GALK2: variants seen among roughly 807,000 people sequenced by gnomAD.
GALK2 encodes the protein N-acetylgalactosamine kinase.
Under a neutral mutation model 52.4 loss-of-function variants are expected in GALK2, and 36 were observed. The observed-to-expected ratio is 0.69, with a 90% CI of 0.53 to 0.91. GALK2 has a LOEUF of 0.91. Among genes scored for constraint, GALK2 ranks in the 40% least tolerant of loss-of-function variants. The probability of loss-of-function intolerance (pLI) is 0.00; values close to 1 mark genes in which losing one functional copy is unlikely to be tolerated. For synonymous variants in GALK2, 176 were observed against 199.1 expected (o/e 0.88, Z 0.98); for missense variants, 579 against 559.1 (o/e 1.04, Z -0.36).
intron 1 of GALK2, among the ~76,000 whole-genome samples, chr15:49,162,145 C>T (rs2084673696): frequency 6.6e-6 from 1 of 152,166 alleles, no homozygotes; most frequent in South Asian, 2.1e-4. Flanking sequence ...TTCTCTCCTC[C>T]CCCCTTAACT....
At chr15:49,336,203 G>A (rs1263905152), downstream of GALK2, among the ~76,000 whole-genome samples, 1 of 152,226 alleles carries the variant, frequency 6.6e-6, no homozygotes, top group African/African-American at 2.4e-5. Context: ...AGTTAGCCTG[G>A]CTTCTGCCAT....
intron 5 of GALK2, among the ~76,000 whole-genome samples, chr15:49,277,270 G>GC (rs1241564475): frequency 4.8e-5 from 6 of 124,498 alleles, no homozygotes. Context: ...CCGGGTTCAC[G>GC]CCATTCTCCT....
chr15:49,235,764 G>C, intron 3 of GALK2, 87 bp from the exon 4 acceptor site: 2 of 860,622 alleles, frequency 2.3e-6, no homozygotes, highest in East Asian at 4.8e-5. Context: ...GTATCGCTGT[G>C]TTGGCACAAG....
downstream of GALK2, among the ~76,000 whole-genome samples, chr15:49,333,741 T>G (rs1485948765): frequency 6.6e-6 from 1 of 152,234 alleles, no homozygotes; most frequent in Non-Finnish European, 1.5e-5. Context: ...TGAACTTGTC[T>G]GATACTTCTT....
intron 7 of GALK2, among the ~76,000 whole-genome samples, chr15:49,286,309 T>C (rs2033347230): frequency 6.6e-6 from 1 of 152,230 alleles, no homozygotes; most frequent in African/African-American, 2.4e-5. Flanking sequence ...AATAGATGAA[T>C]GACAACTCCC....
At chr15:49,298,415 C>T (rs1052172817) in intron 8 of GALK2, among the ~76,000 whole-genome samples, 5 of 152,084 alleles carry the variant, frequency 3.3e-5, no homozygotes, top group Admixed American at 2.6e-4. Flanking sequence ...TTATTTCTTT[C>T]TCTTGCCTGA....
At chr15:49,208,591 A>G (rs923229582) in intron 2 of GALK2, among the ~76,000 whole-genome samples, 5 of 152,240 alleles carry the variant, frequency 3.3e-5, no homozygotes, top group Admixed American at 6.5e-5. Context: ...TATCTTGGAG[A>G]AAGTTCCATG....
chr15:49,217,269 GAAAAC>G lies in GALK2; in HGVS notation c.223_227del (p.Lys75ValfsTer18). 1 of 1,613,880 alleles carries G rather than the reference GAAAAC, an allele frequency of 6.2e-7. No homozygotes were observed. ...ATGTGCTAATAGCTGTAGAACCTGT[GAAAAC>G]GTACGCTCTCCAACTGGCCAATACA... On this transcript the variant is annotated frameshift_variant, in exon 3 of 10. Transcript: ENST00000560031. LOFTEE classifies it high-confidence loss of function.
intron 5 of GALK2, among the ~76,000 whole-genome samples, chr15:49,252,252 T>C (rs527976296): frequency 2.0e-5 from 3 of 151,872 alleles, no homozygotes; most frequent in Non-Finnish European, 2.9e-5. Flanking sequence ...GGTGACAGAG[T>C]AAGACTTCGT....
intron 2 of GALK2, among the ~76,000 whole-genome samples, chr15:49,213,952 C>A (rs187220868): frequency 1.1e-4 from 17 of 151,998 alleles, no homozygotes; most frequent in East Asian, 7.8e-4. Context: ...CCCATCTCTA[C>A]TAAAAAATAA....
chr15:49,181,021 ATCCTTCCTTCCTTCCT>A (rs138715818), intron 1 of GALK2, among the ~76,000 whole-genome samples: 6 of 124,842 alleles, frequency 4.8e-5, no homozygotes, highest in African/African-American at 1.2e-4. Context: ...TGCTAGACCA[ATCCTTCCTTCCTTCCT>A]TCCTTCCTTC....
intron 5 of GALK2, among the ~76,000 whole-genome samples, chr15:49,259,979 A>T (rs1168203238): frequency 6.6e-6 from 1 of 151,122 alleles, no homozygotes; most frequent in African/African-American, 2.4e-5. Context: ...CCAGTCTATC[A>T]TTGTTGGACA....
rs571522087 is a variant in GALK2 at position 49,320,138 on chromosome 15, A to G, written c.1169+333A>G. Among the ~76,000 whole-genome samples, 3 of 152,228 alleles carry G rather than the reference A, an allele frequency of 2.0e-5. No homozygotes were observed. The South Asian group carries it at 6.2e-4, about 32-fold the overall frequency. ...AGAGCTGGGCCCTGTTAACTTTCTT[A>G]TGATATGTTTTATTATACTGCTGCT... On this transcript the variant is annotated intron_variant, in intron 9 of 9. Coordinates refer to ENST00000560031, the MANE Select transcript of GALK2 (RefSeq NM_002044.4).
chr15:49,310,535 C>T (rs2035906673), intron 8 of GALK2, among the ~76,000 whole-genome samples: 1 of 152,128 alleles, frequency 6.6e-6, no homozygotes, highest in Non-Finnish European at 1.5e-5. Flanking sequence ...TCTCTGCATC[C>T]TCACCATCAC....
intron 7 of GALK2, among the ~76,000 whole-genome samples, chr15:49,289,865 A>T (rs559228331): frequency 3.7e-4 from 57 of 152,302 alleles, no homozygotes; most frequent in African/African-American, 1.3e-3. Context: ...ACCATTTATC[A>T]GTGCCTCTTT....
chr15:49,366,758 C>T (rs1331882709), intron 3 of GALK2: 2 of 737,658 alleles, frequency 2.7e-6, no homozygotes, highest in Non-Finnish European at 4.3e-6. Flanking sequence ...CCCGCCACTG[C>T]GCTGCCTCCG....
At chr15:49,352,688 T>C (rs900552029) in intron 3 of GALK2, among the ~76,000 whole-genome samples, 5 of 152,166 alleles carry the variant, frequency 3.3e-5, no homozygotes, top group Admixed American at 6.5e-5. Context: ...TCCCTAAAGA[T>C]AAGACAGTGA....
chr15:49,268,585 T>C (rs1055538143), intron 5 of GALK2, among the ~76,000 whole-genome samples: 3 of 152,242 alleles, frequency 2.0e-5, no homozygotes, highest in Non-Finnish European at 2.9e-5. Context: ...GTGGCTGATG[T>C]TGCAGGCTGC....
At position 49,292,432 on chromosome 15, in the gene GALK2, G is replaced by A; in HGVS notation, c.862G>A (p.Asp288Asn). The change falls in exon 8 of 10, where the codon GAT becomes AAT. Residue 288 changes from aspartate (D) to asparagine (N), a missense_variant. By Grantham distance (23) the Asp-to-Asn change is conservative (BLOSUM62 1). Transcript: ENST00000560031. Reference sequence around the variant, plus strand: ...AGAAGAAATGCTGTTGGTCACAGAAGATGCCCTTCATCCTGAACCCTATAA... The same window carrying A: ...AGAAGAAATGCTGTTGGTCACAGAAAATGCCCTTCATCCTGAACCCTATAA... ...SLEEMLLVTE[D>N]ALHPEPYNPE... 3 of 1,614,024 alleles carry A rather than the reference G, an allele frequency of 1.9e-6. No homozygotes were observed. The highest frequency in any genetic ancestry group is 1.7e-4 in the Middle Eastern group (1 of 6,056).
Sources: allele counts gnomAD v4.1 joint callset (sites outside exome capture counted in the v4.1 genomes callset), GRCh38; gene constraint gnomAD v4.1.1; transcripts MANE v1.5; gene names NCBI Gene and HGNC (gene_info 2026-07-23, HGNC 2026-07-21).